LRMDA: variants seen among roughly 807,000 people sequenced by gnomAD.
LRMDA encodes leucine rich melanocyte differentiation associated, also known as leucine-rich melanocyte differentiation-associated protein.
In LRMDA, 18 loss-of-function variants were observed where a neutral mutation model predicts 29.8. The ratio of observed to expected loss-of-function variants is 0.60; its 90% CI spans 0.42 to 0.90. LRMDA has a LOEUF of 0.90. Among genes scored for constraint, LRMDA ranks in the 40% least tolerant of loss-of-function variants. The probability of loss-of-function intolerance (pLI) is 0.00; values close to 1 mark genes in which losing one functional copy is unlikely to be tolerated. For missense variants in LRMDA, 273 were observed against 273.9 expected (o/e 1.00, Z 0.02); for synonymous variants, 125 against 109.4 (o/e 1.14, Z -0.89).
chr10:76,479,313 A>C, intron 6 of LRMDA, among the ~76,000 whole-genome samples: 1 of 151,870 alleles, frequency 6.6e-6, no homozygotes, highest in East Asian at 1.9e-4. Context: ...GAGCGACTTT[A>C]TTAGTGGTTA....
intron 2 of LRMDA, among the ~76,000 whole-genome samples, chr10:75,978,940 A>G (rs1847120208): frequency 6.6e-6 from 1 of 152,198 alleles, no homozygotes; most frequent in African/African-American, 2.4e-5. Flanking sequence ...CAGTGGCTAA[A>G]TGTGGGTCCT....
intron 2 of LRMDA, among the ~76,000 whole-genome samples, chr10:75,472,203 T>C (rs1247580837): frequency 6.6e-6 from 1 of 152,190 alleles, no homozygotes; most frequent in Non-Finnish European, 1.5e-5. Context: ...TGATTTCTCC[T>C]TGCCCCAAAC....
rs1842905691 is a variant in LRMDA at position 75,747,700 on chromosome 10, A to T, written c.132-288308A>T. Reference sequence around the variant, plus strand: ...TAGGGTCATAGGGTTCTAAAATTAGATGTAGAGGAAGCTTCAGAATCTAGC... The same window carrying T: ...TAGGGTCATAGGGTTCTAAAATTAGTTGTAGAGGAAGCTTCAGAATCTAGC... On this transcript the variant is annotated intron_variant, in intron 2 of 6. Coordinates refer to ENST00000611255, the MANE Select transcript of LRMDA (RefSeq NM_001305581.2). Among the ~76,000 whole-genome samples, 4 of 152,250 alleles carry T rather than the reference A, an allele frequency of 2.6e-5. 1 individual carries two copies. The South Asian group carries it at 6.2e-4, about 24-fold the overall frequency.
chr10:76,073,429 TTC>T (rs1441098431), intron 5 of LRMDA, among the ~76,000 whole-genome samples: 6 of 152,356 alleles, frequency 3.9e-5, no homozygotes, highest in Admixed American at 2.6e-4. Flanking sequence ...CTCAAATATA[TTC>T]TTTCTATGGA....
At chr10:76,026,168 G>T (rs1198448416) in intron 2 of LRMDA, among the ~76,000 whole-genome samples, 3 of 152,188 alleles carry the variant, frequency 2.0e-5, no homozygotes, top group African/African-American at 7.2e-5. Context: ...AAACCATTTA[G>T]GTTCATCATT....
chr10:76,063,041 C>A (rs928164386), intron 5 of LRMDA, among the ~76,000 whole-genome samples: 1 of 152,168 alleles, frequency 6.6e-6, no homozygotes, highest in Admixed American at 6.5e-5. Flanking sequence ...ATTATTCATC[C>A]CTGTTCTGGC....
In LRMDA at chr10:75,966,918, A is replaced by G. The variant is rs16932747; in HGVS notation, c.132-69090A>G. 5.8e-3 allele frequency among the ~76,000 whole-genome samples: 877 copies of G among 152,320 alleles called. 38 individuals are homozygous for G. In the East Asian group the frequency reaches 0.12, roughly 22 times the overall value. On this transcript the variant is annotated intron_variant, in intron 2 of 6. Coordinates refer to ENST00000611255, the MANE Select transcript of LRMDA (RefSeq NM_001305581.2). Reference sequence around the variant, plus strand: ...AGCACCTGGCACCCAGTAGATATACACCCAACTAATAGTATCCCTTAGCAT... The same window carrying G: ...AGCACCTGGCACCCAGTAGATATACGCCCAACTAATAGTATCCCTTAGCAT...
intron 2 of LRMDA, among the ~76,000 whole-genome samples, chr10:75,538,691 T>G (rs1564795543): frequency 1.3e-5 from 2 of 152,162 alleles, no homozygotes. Context: ...TTTGTTAACT[T>G]GGGTCAGAGG....
At chr10:75,628,018 T>C (rs1374346663) in intron 2 of LRMDA, among the ~76,000 whole-genome samples, 1 of 152,232 alleles carries the variant, frequency 6.6e-6, no homozygotes, top group Non-Finnish European at 1.5e-5. Context: ...GGCCAGTGGT[T>C]AGCCCTCAGT....
At chr10:76,050,071 GGT>G (rs1848503629) in intron 4 of LRMDA, among the ~76,000 whole-genome samples, 1 of 152,144 alleles carries the variant, frequency 6.6e-6, no homozygotes, top group African/African-American at 2.4e-5. Context: ...CATCCTCTGT[GGT>G]TATGTGATGT....
chr10:75,973,022 C>CAGT (rs1468266230), intron 2 of LRMDA, among the ~76,000 whole-genome samples: 1 of 27,160 alleles, frequency 3.7e-5, no homozygotes, highest in Non-Finnish European at 6.4e-5. Context: ...ACTTTAACAA[C>CAGT]AGCAGCAGCA....
Position 75,627,834 on chromosome 10 carries a change from G to A in LRMDA, c.131+189340G>A, listed in dbSNP as rs565964356. On this transcript the variant is annotated intron_variant, in intron 2 of 6. Transcript: ENST00000611255. ...ATTCAAGACCCAGAAAAGATATGTA[G>A]ACTCTTCATGTAGTAACAGTAAAGG... 2.6e-5 allele frequency among the ~76,000 whole-genome samples: 4 copies of A among 152,286 alleles called. No homozygotes were observed. The East Asian group carries it at 7.7e-4, about 29-fold the overall frequency.
At chr10:76,527,025 A>AAAT in intron 6 of LRMDA, among the ~76,000 whole-genome samples, 1 of 141,794 alleles carries the variant, frequency 7.1e-6, no homozygotes, top group Admixed American at 7.1e-5. Context: ...AATAAATAAA[A>AAAT]ATGCCCTAAA....
intron 2 of LRMDA, among the ~76,000 whole-genome samples, chr10:75,852,622 T>C (rs1371647946): frequency 2.0e-5 from 3 of 152,142 alleles, no homozygotes; most frequent in African/African-American, 4.8e-5. Context: ...GATCCTGGAT[T>C]GTTAGCAAAT....
intron 2 of LRMDA, among the ~76,000 whole-genome samples, chr10:75,758,356 GC>G (rs1454864161): frequency 6.6e-6 from 1 of 152,188 alleles, no homozygotes; most frequent in African/African-American, 2.4e-5. Flanking sequence ...GAGGAATGTC[GC>G]CCATGAAATT....
chr10:76,320,276 C>G (rs1840754879), intron 5 of LRMDA, among the ~76,000 whole-genome samples: 2 of 152,138 alleles, frequency 1.3e-5, no homozygotes, highest in African/African-American at 4.8e-5. Context: ...TTATTAGTAA[C>G]TCTTTGATCG....
At chr10:76,326,295 A>G (rs1010106577) in intron 6 of LRMDA, among the ~76,000 whole-genome samples, 25 of 152,220 alleles carry the variant, frequency 1.6e-4, no homozygotes, top group African/African-American at 5.8e-4. Context: ...GCTTGAACCA[A>G]CTTGGCTTTC....
chr10:76,486,204 A>G (rs1278232672), intron 6 of LRMDA, among the ~76,000 whole-genome samples: 1 of 151,924 alleles, frequency 6.6e-6, no homozygotes, highest in Non-Finnish European at 1.5e-5. Context: ...AAAATTTTTT[A>G]AAGCCGGCAA....
intron 2 of LRMDA, among the ~76,000 whole-genome samples, chr10:75,446,657 T>C (rs1036490615): frequency 6.6e-6 from 1 of 152,242 alleles, no homozygotes; most frequent in African/African-American, 2.4e-5. Flanking sequence ...GAAATACATC[T>C]GTGTTATAAG....
Sources: allele counts gnomAD v4.1 joint callset (sites outside exome capture counted in the v4.1 genomes callset), GRCh38; gene constraint gnomAD v4.1.1; transcripts MANE v1.5; gene names NCBI Gene and HGNC (gene_info 2026-07-23, HGNC 2026-07-21).